Variants in THRB observed in about 807,000 individuals in gnomAD.
THRB encodes the protein thyroid hormone receptor beta.
In THRB, 12 loss-of-function variants were observed where a neutral mutation model predicts 47.8. The ratio of observed to expected loss-of-function variants is 0.25; its 90% CI spans 0.16 to 0.41. The LOEUF is 0.41. Among genes scored for constraint, THRB ranks in the 10% least tolerant of loss-of-function variants. THRB has a pLI of 1.00. For missense variants in THRB, 348 were observed against 589.2 expected (o/e 0.59, Z 4.24); for synonymous variants, 218 against 212.2 (o/e 1.03, Z -0.24).
At chr3:24,330,746 C>T (rs993338345) in intron 2 of THRB, among the ~76,000 whole-genome samples, 1 of 152,216 alleles carries the variant, frequency 6.6e-6, no homozygotes, top group African/African-American at 2.4e-5. Context: ...GCCAACCAAA[C>T]CTGCCCCTCT....
chr3:24,234,980 G>T (rs1262436310), intron 3 of THRB, among the ~76,000 whole-genome samples: 1 of 152,170 alleles, frequency 6.6e-6, no homozygotes, highest in Non-Finnish European at 1.5e-5. Context: ...AGCCACGGAA[G>T]GTCTTTAAGC....
intron 4 of THRB, among the ~76,000 whole-genome samples, chr3:24,218,909 A>G: frequency 6.6e-6 from 1 of 152,184 alleles, no homozygotes; most frequent in East Asian, 1.9e-4. Context: ...ATAAGTATAT[A>G]AATACCTCTT....
chr3:24,227,731 T>C (rs17014420), intron 4 of THRB, among the ~76,000 whole-genome samples: 47 of 152,272 alleles, frequency 3.1e-4, no homozygotes, highest in African/African-American at 8.2e-4. Context: ...TTGGAGCAAT[T>C]TGTCCTACAT....
chr3:24,192,528 A>C (rs1436999702), intron 4 of THRB, among the ~76,000 whole-genome samples: 1 of 152,182 alleles, frequency 6.6e-6, no homozygotes, highest in African/African-American at 2.4e-5. Flanking sequence ...TTTGGTATTA[A>C]TTCCCTTGAC....
intron 3 of THRB, among the ~76,000 whole-genome samples, chr3:24,281,490 G>A (rs982735657): frequency 2.0e-5 from 3 of 151,970 alleles, no homozygotes; most frequent in Non-Finnish European, 4.4e-5. Context: ...ATGCCAAAAT[G>A]TAAAGACCAT....
intron 1 of THRB, among the ~76,000 whole-genome samples, chr3:24,468,915 AAATT>A (rs1361815801): frequency 6.6e-6 from 1 of 152,218 alleles, no homozygotes; most frequent in Non-Finnish European, 1.5e-5. Flanking sequence ...GTAAAAAAAT[AAATT>A]AATATCTATG....
chr3:24,208,358 C>T (rs1457723132), intron 4 of THRB, among the ~76,000 whole-genome samples: 1 of 152,140 alleles, frequency 6.6e-6, no homozygotes, highest in Admixed American at 6.5e-5. Flanking sequence ...CTTTAAAGTT[C>T]ATATGGAACG....
intron 1 of THRB, among the ~76,000 whole-genome samples, chr3:24,450,766 A>G (rs1203892777): frequency 6.6e-6 from 1 of 152,182 alleles, no homozygotes; most frequent in Admixed American, 6.5e-5. Flanking sequence ...TAAGGTGCAT[A>G]CAGTCAACTG....
chr3:24,449,643 A>G (rs2072447349), intron 1 of THRB, among the ~76,000 whole-genome samples: 1 of 152,114 alleles, frequency 6.6e-6, no homozygotes. Context: ...TGGTTTAGGG[A>G]TATGAGGGAA....
chr3:24,303,796 GT>G (rs1399587915), intron 2 of THRB, among the ~76,000 whole-genome samples: 1 of 152,196 alleles, frequency 6.6e-6, no homozygotes, highest in Admixed American at 6.5e-5. Flanking sequence ...CACCGACTAA[GT>G]TTTTTAAAAA....
chr3:24,385,847 G>C (rs116232092), intron 1 of THRB, among the ~76,000 whole-genome samples: 1 of 152,126 alleles, frequency 6.6e-6, no homozygotes, highest in Non-Finnish European at 1.5e-5. Context: ...CCTTTTCCTG[G>C]AACATTTTGC....
In THRB at chr3:24,122,778, C is replaced by G. The variant is rs2031925229; in HGVS notation, c.*106G>C. ...CAAGGACTACTTCCCTTTTCCCTCC[C>G]AAATAATCCCTCCCAACACAAAGAA... On this transcript the variant is annotated 3_prime_UTR_variant, in exon 11 of 11. Coordinates refer to ENST00000646209, the MANE Select transcript of THRB (RefSeq NM_001354712.2). The G allele has an allele frequency of 1.3e-6, 2 of 1,541,818 alleles. No homozygotes were observed. Among genetic ancestry groups the G allele is most frequent in the Non-Finnish European group, 1.8e-6 (2 of 1,117,706 alleles).
chr3:24,417,489 G>A (rs965534250), intron 1 of THRB, among the ~76,000 whole-genome samples: 1 of 151,834 alleles, frequency 6.6e-6, no homozygotes, highest in Non-Finnish European at 1.5e-5. Context: ...TCTTTATCAA[G>A]GACCTTTTAG....
At chr3:24,471,089 G>T (rs1173183084) in intron 1 of THRB, among the ~76,000 whole-genome samples, 4 of 152,190 alleles carry the variant, frequency 2.6e-5, no homozygotes, top group African/African-American at 9.7e-5. Flanking sequence ...GACTGAAAGA[G>T]TGGGACCCAA....
At chr3:24,320,618 G>A (rs1219371933) in intron 2 of THRB, among the ~76,000 whole-genome samples, 1 of 152,098 alleles carries the variant, frequency 6.6e-6, no homozygotes, top group African/African-American at 2.4e-5. Flanking sequence ...AGAATCTACA[G>A]TCAGTCTTCT....
intron 4 of THRB, among the ~76,000 whole-genome samples, chr3:24,218,339 TC>T (rs1397479323): frequency 8.4e-5 from 9 of 106,556 alleles, no homozygotes; most frequent in African/African-American, 1.5e-4. Context: ...TCTCTCTCTC[TC>T]TCTTTTTTTT....
At chr3:24,454,766 G>C (rs1408721335) in intron 1 of THRB, among the ~76,000 whole-genome samples, 2 of 152,014 alleles carry the variant, frequency 1.3e-5, no homozygotes, top group Non-Finnish European at 1.5e-5. Context: ...AAGATGTATA[G>C]AATTTTAGCA....
chr3:24,248,202 G>A (rs936049601), intron 3 of THRB, among the ~76,000 whole-genome samples: 1 of 152,010 alleles, frequency 6.6e-6, no homozygotes, highest in African/African-American at 2.4e-5. Context: ...AACAGTATAC[G>A]AACTGGGTAG....
At chr3:24,151,517 G>A (rs999744762) in intron 6 of THRB, among the ~76,000 whole-genome samples, 1 of 152,150 alleles carries the variant, frequency 6.6e-6, no homozygotes, top group Non-Finnish European at 1.5e-5. Flanking sequence ...AAAAGACAAG[G>A]TATTTAACAA....
Sources: allele counts gnomAD v4.1 joint callset (sites outside exome capture counted in the v4.1 genomes callset), GRCh38; gene constraint gnomAD v4.1.1; transcripts MANE v1.5; gene names NCBI Gene and HGNC (gene_info 2026-07-23, HGNC 2026-07-21).